PCDHGB3: variants seen among roughly 807,000 people sequenced by gnomAD.
The protein encoded by PCDHGB3 is protocadherin gamma subfamily B, 3, also known as protocadherin gamma-B3.
In PCDHGB3, 40 loss-of-function variants were observed where a neutral mutation model predicts 59.2. That is an observed-to-expected ratio of 0.68 (90% confidence interval 0.52 to 0.88). The LOEUF (loss-of-function observed/expected upper bound fraction) is 0.88. Among genes scored for constraint, PCDHGB3 ranks in the 40% least tolerant of loss-of-function variants. PCDHGB3 has a pLI of 0.00. For missense variants in PCDHGB3, 1,309 were observed against 1,187.9 expected, an observed-to-expected ratio of 1.10 and a Z score of -1.50; for synonymous variants, 581 against 503.6, an observed-to-expected ratio of 1.15 and a Z score of -2.06.
At chr5:141,385,033 C>A in intron 1 of PCDHGB3, 1 of 1,614,182 alleles carries the variant, frequency 6.2e-7, no homozygotes, top group South Asian at 1.1e-5. Flanking sequence ...CCTCGTACTG[C>A]TGGCGCTCAG....
intron 2 of PCDHGB3, among the ~76,000 whole-genome samples, chr5:141,499,829 G>A (rs1322405697): frequency 6.6e-6 from 1 of 151,548 alleles, no homozygotes; most frequent in African/African-American, 2.4e-5. Context: ...TAGGATTACA[G>A]GTGTGCACCA....
At chr5:141,427,566 C>A (rs1218268757) in intron 1 of PCDHGB3, 1 of 659,032 alleles carries the variant, frequency 1.5e-6, no homozygotes, top group Non-Finnish European at 2.8e-6. Context: ...CAAGGGCAAG[C>A]CTCCGCTCTC....
chr5:141,403,213 G>A (rs1314899957), intron 1 of PCDHGB3: 1 of 1,613,970 alleles, frequency 6.2e-7, no homozygotes, highest in Non-Finnish European at 8.5e-7. Flanking sequence ...TGGTCACCGC[G>A]GGTAGGATAG....
chr5:141,488,885 T>C (rs1401230063), intron 1 of PCDHGB3, among the ~76,000 whole-genome samples: 1 of 152,194 alleles, frequency 6.6e-6, no homozygotes, highest in Admixed American at 6.5e-5. Flanking sequence ...GAAGCTTCTG[T>C]GACACAGATT....
intron 1 of PCDHGB3, chr5:141,399,349 C>T (rs1467940246): frequency 6.2e-7 from 1 of 1,613,932 alleles, no homozygotes; most frequent in East Asian, 2.2e-5. Context: ...AACCCTAGAC[C>T]GAGAGCAAAC....
intron 1 of PCDHGB3, among the ~76,000 whole-genome samples, chr5:141,483,207 A>C (rs1225621725): frequency 6.6e-6 from 1 of 152,224 alleles, no homozygotes; most frequent in African/African-American, 2.4e-5. Flanking sequence ...TATTCCATAT[A>C]GATGACAGTC....
Position 141,477,856 on chromosome 5 carries a change from G to T in PCDHGB3, c.2416-16951G>T, listed in dbSNP as rs773703641. ...CAGGTGGGAGCTCGGTGGAGATGCTGCCTCGAGGTACCTCAGCTGGCCACC... is the reference window on the plus strand; with the variant it reads ...CAGGTGGGAGCTCGGTGGAGATGCTTCCTCGAGGTACCTCAGCTGGCCACC... On this transcript the variant is annotated intron_variant, in intron 1 of 3. Coordinates refer to ENST00000576222, the MANE Select transcript of PCDHGB3 (RefSeq NM_018924.5). This position sits in a 1 kb window ranked among gnomAD's most constrained non-coding sequence, Gnocchi z 4.9. 1 of 1,613,474 alleles carries T rather than the reference G, an allele frequency of 6.2e-7. No homozygotes were observed. Among genetic ancestry groups the T allele is most frequent in the Non-Finnish European group, 8.5e-7 (1 of 1,179,854 alleles).
At chr5:141,374,511 T>G in intron 1 of PCDHGB3, 1 of 1,611,912 alleles carries the variant, frequency 6.2e-7, no homozygotes, top group Non-Finnish European at 8.5e-7. Flanking sequence ...GTGAAAATTC[T>G]CGAAAACGCA....
chr5:141,483,951 TTG>T (rs1298075162), intron 1 of PCDHGB3, among the ~76,000 whole-genome samples: 2 of 147,758 alleles, frequency 1.4e-5, no homozygotes, highest in Non-Finnish European at 3.0e-5. Flanking sequence ...GTGAATTGTG[TTG>T]TGTTTCTGTG....
rs572282329 is a variant in PCDHGB3 at position 141,388,648 on chromosome 5, T to A, written c.2415+15839T>A. On this transcript the variant is annotated intron_variant, in intron 1 of 3. Coordinates refer to ENST00000576222, the MANE Select transcript of PCDHGB3 (RefSeq NM_018924.5). ...TACAGGGTGAGCCTTTCAGAAAACG[T>A]GTACCCGGGGACCACGGTGCTACAG... is the stretch of plus-strand genomic sequence containing the variant. 5 of 1,613,938 alleles carry A rather than the reference T, an allele frequency of 3.1e-6. No homozygotes were observed. The East Asian group carries it at 8.9e-5, about 29-fold the overall frequency.
chr5:141,435,104 G>A (rs1009839042), intron 1 of PCDHGB3, among the ~76,000 whole-genome samples: 1 of 151,968 alleles, frequency 6.6e-6, no homozygotes, highest in Non-Finnish European at 1.5e-5. Flanking sequence ...TTATCTAGGG[G>A]GGAGAAATCT....
chr5:141,372,867 T>A, intron 1 of PCDHGB3, 58 bp downstream of exon 1: 1 of 1,387,652 alleles, frequency 7.2e-7, no homozygotes, highest in Non-Finnish European at 9.7e-7. Context: ...TTCATTGATT[T>A]AGAGATAAAA....
intron 1 of PCDHGB3, among the ~76,000 whole-genome samples, chr5:141,494,030 A>G (rs1165393646): frequency 6.6e-6 from 1 of 151,978 alleles, no homozygotes; most frequent in Non-Finnish European, 1.5e-5. Context: ...AGCCCTGGAG[A>G]CTTAGTTGGC....
intron 1 of PCDHGB3, among the ~76,000 whole-genome samples, chr5:141,449,630 T>C (rs1006977026): frequency 6.7e-6 from 1 of 150,024 alleles, no homozygotes; most frequent in South Asian, 2.1e-4. Flanking sequence ...TTTAAAAAGA[T>C]GTATCTATAT....
intron 1 of PCDHGB3, chr5:141,394,841 C>A: frequency 6.2e-7 from 1 of 1,613,852 alleles, no homozygotes; most frequent in Non-Finnish European, 8.5e-7. Flanking sequence ...CCGAGTTGGG[C>A]AGTCTGAAGC....
intron 1 of PCDHGB3, chr5:141,404,899 T>C (rs768489392): frequency 6.2e-7 from 1 of 1,613,718 alleles, no homozygotes; most frequent in East Asian, 2.2e-5. Flanking sequence ...TACAGGACCA[T>C]GGCCAGCCCC....
chr5:141,414,212 A>G (rs778319178), intron 1 of PCDHGB3: 1 of 1,612,944 alleles, frequency 6.2e-7, no homozygotes, highest in Admixed American at 1.7e-5. Flanking sequence ...GATGTAAATG[A>G]CAACAGTCCA....
chr5:141,399,522 C>T, intron 1 of PCDHGB3: 6 of 1,614,056 alleles, frequency 3.7e-6, no homozygotes, highest in Non-Finnish European at 5.1e-6. Flanking sequence ...CTCCTGGGGC[C>T]TCCATCGCGC....
intron 2 of PCDHGB3, among the ~76,000 whole-genome samples, chr5:141,499,283 G>T (rs1460838051): frequency 6.6e-6 from 1 of 152,066 alleles, no homozygotes; most frequent in Non-Finnish European, 1.5e-5. Context: ...TTCTCTGATG[G>T]CTCCACACTA....
Sources: gnomAD v4.1 joint callset for allele counts (sites outside exome capture counted in the v4.1 genomes callset) on GRCh38, gnomAD v4.1.1 for gene constraint, Gnocchi (gnomAD v3.1) non-coding constraint, MANE v1.5 for transcripts, NCBI Gene and HGNC (gene_info 2026-07-23, HGNC 2026-07-21) for gene names.